The following ZMIZ2 variants were observed in gnomAD, a reference collection of about 807,000 sequenced individuals.
The protein encoded by ZMIZ2 is zinc finger MIZ domain-containing protein 2.
In ZMIZ2, 26 loss-of-function variants were observed where a neutral mutation model predicts 93.9. The observed-to-expected ratio is 0.28, with a 90% CI of 0.20 to 0.38. The LOEUF is 0.38. Among genes scored for constraint, ZMIZ2 ranks in the 10% least tolerant of loss-of-function variants. The pLI is 1.00. For synonymous variants in ZMIZ2, 485 were observed against 516.4 expected, an observed-to-expected ratio of 0.94 and a Z score of 0.82; for missense variants, 1,023 against 1,235.0, an observed-to-expected ratio of 0.83 and a Z score of 2.57.
At chr7:44,758,831 T>G (rs1263695176) in intron 6 of ZMIZ2, among the ~76,000 whole-genome samples, 12 of 151,142 alleles carry the variant, frequency 7.9e-5, no homozygotes, top group Non-Finnish European at 1.3e-4. Context: ...GGAGAATTGC[T>G]TGAACCCAGC....
chr7:44,753,639 TAGC>T (rs766224747), intron 1 of ZMIZ2, among the ~76,000 whole-genome samples: 8 of 152,344 alleles, frequency 5.3e-5, no homozygotes, highest in Non-Finnish European at 1.2e-4. Context: ...TTCATCCTCT[TAGC>T]AGGGCCTTTC....
chr7:44,765,883 C>A lies in ZMIZ2; in HGVS notation c.2243-281C>A, dbSNP rs1791661154. Reference sequence around the variant, plus strand: ...CACAGGACTGGCCCCATCTGGGGCCCCCCTCTGGGACCCACCTCACACGCG... The same window carrying A: ...CACAGGACTGGCCCCATCTGGGGCCACCCTCTGGGACCCACCTCACACGCG... On this transcript the variant is annotated intron_variant, in intron 16 of 18. Transcript: ENST00000309315. This position sits in a 1 kb window ranked among gnomAD's most constrained non-coding sequence, Gnocchi z 4.1. The A allele has an allele frequency of 7.3e-7, 1 of 1,365,076 alleles. No homozygotes were observed. Among genetic ancestry groups the A allele is most frequent in the South Asian group, 1.7e-5 (1 of 57,574 alleles). The allele number at this position is 1,365,076 out of a possible 1,614,324, so 84.6% of individuals were successfully genotyped here. A position where few individuals can be genotyped will look rare whatever the true frequency, so the allele number is the denominator to read the frequency against.
At chr7:44,757,348 G>A (rs1193849382) in intron 4 of ZMIZ2, 30 bp from the exon 5 acceptor site, 3 of 1,588,902 alleles carry the variant, frequency 1.9e-6, no homozygotes, top group Non-Finnish European at 1.7e-6. Flanking sequence ...AGCCCACGCA[G>A]AGAGCGTGGC....
At chr7:44,751,354 C>A (rs896537558) in intron 1 of ZMIZ2, among the ~76,000 whole-genome samples, 35 of 152,264 alleles carry the variant, frequency 2.3e-4, no homozygotes, top group African/African-American at 8.0e-4. Context: ...CTACTGACTT[C>A]AGGTGGGGCT....
At chr7:44,751,983 A>G (rs1226746499) in intron 1 of ZMIZ2, among the ~76,000 whole-genome samples, 2 of 152,142 alleles carry the variant, frequency 1.3e-5, no homozygotes, top group African/African-American at 4.8e-5. Context: ...AAAAAAATTA[A>G]AGATTCATGT....
rs768307925 is a variant in ZMIZ2 at position 44,765,529 on chromosome 7, C to A, written c.2192C>A (p.Ala731Asp). The change falls in exon 16 of 19, where the codon GCC (alanine) becomes GAC (aspartate). Residue 731 changes from alanine (A) to aspartate (D), a missense_variant. Around this residue, in one of 3 missense-constraint regions of ZMIZ2, gnomAD observed 319 missense variants for 358.8 expected, o/e 0.89. Coordinates refer to ENST00000309315, the MANE Select transcript of ZMIZ2 (RefSeq NM_031449.4). The surrounding 1 kb of genome is among the most constrained non-coding windows in gnomAD (Gnocchi z 4.1). ...CTGGGCCCCGGCGCTGCCCCCTTTG[C>A]CCCCCTGCAGCCCCCCTCAGTCCCT... ...AALGPGAAPF[A>D]PLQPPSVPAP... 42 of 659,388 alleles carry A rather than the reference C, an allele frequency of 6.4e-5. No homozygotes were observed. Among genetic ancestry groups the A allele is most frequent in the Non-Finnish European group, 1.0e-4 (41 of 402,092 alleles). The allele number at this position is 659,388 out of a possible 1,614,324, so 40.8% of individuals were successfully genotyped here.
rs2116849463 is a variant in ZMIZ2, at chr7:44,763,064, G to A, written c.1702+78G>A. On this transcript the variant is annotated intron_variant, in intron 12 of 18. Transcript: ENST00000309315. The surrounding 1 kb of genome is among the most constrained non-coding windows in gnomAD (Gnocchi z 5.6). ...CCCAAGCCCAACAATCCTCCTTGTG[G>A]GCACCTCCTCGTGTCACACCAGGCC... The A allele has an allele frequency of 6.7e-7, 1 of 1,494,402 alleles. No homozygotes were observed. Among genetic ancestry groups the A allele is most frequent in the South Asian group, 1.2e-5 (1 of 83,100 alleles). The allele number at this position is 1,494,402 out of a possible 1,614,324, so 92.6% of individuals were successfully genotyped here.
intron 1 of ZMIZ2, 129 bp from the exon 2 acceptor site, chr7:44,756,059 C>T (rs73109467): frequency 2.6e-4 from 186 of 714,582 alleles, no homozygotes; most frequent in Admixed American, 9.8e-4. Context: ...ACTGCCTTGC[C>T]TGCCATCAGA....
chr7:44,760,662 C>CT, intron 9 of ZMIZ2, 69 bp downstream of exon 9: 3 of 1,576,152 alleles, frequency 1.9e-6, no homozygotes, highest in Non-Finnish European at 2.6e-6. Flanking sequence ...TCACAGGACT[C>CT]CAGAGAGTCC....
At position 44,768,971 on chromosome 7, in the gene ZMIZ2, A is replaced by G. The variant is rs1791957065; in HGVS notation, c.*1348A>G. On this transcript the variant is annotated 3_prime_UTR_variant, in exon 19 of 19. Coordinates refer to ENST00000309315, the MANE Select transcript of ZMIZ2 (RefSeq NM_031449.4). Reference sequence around the variant, plus strand: ...AGCATCCCAGGCTTGCCCAGGAGAGACATTTGCCACTATGTCACCTTATCT... The same window carrying G: ...AGCATCCCAGGCTTGCCCAGGAGAGGCATTTGCCACTATGTCACCTTATCT... 1 of 152,612 alleles carries G rather than the reference A, an allele frequency of 6.6e-6. No homozygotes were observed. Among genetic ancestry groups the G allele is most frequent in the South Asian group, 2.1e-4 (1 of 4,832 alleles). The allele number at this position is 152,612 out of a possible 1,614,324, so 9.5% of individuals were successfully genotyped here.
intron 6 of ZMIZ2, among the ~76,000 whole-genome samples, 196 bp from the exon 7 acceptor site, chr7:44,759,085 A>T (rs1227063814): frequency 3.1e-4 from 8 of 25,648 alleles, no homozygotes; most frequent in Admixed American, 2.6e-3. Context: ...GTCTCAAATT[A>T]AAAAAAAAAA....
Position 44,755,037 on chromosome 7 carries a change from G to A in ZMIZ2, c.-62-1151G>A, listed in dbSNP as rs191660300. On this transcript the variant is annotated intron_variant, in intron 1 of 18. Coordinates refer to ENST00000309315, the MANE Select transcript of ZMIZ2 (RefSeq NM_031449.4). Reference sequence around the variant, plus strand: ...TAAGGGGCTTGCTTGTGGCAGTGTCGGAAGGCGTGGCACTCAGAAGCAGCC... The same window carrying A: ...TAAGGGGCTTGCTTGTGGCAGTGTCAGAAGGCGTGGCACTCAGAAGCAGCC... Among the ~76,000 whole-genome samples the A allele has an allele frequency of 3.0e-4, 45 of 152,278 alleles. 1 individual carries two copies. Among genetic ancestry groups the A allele is most frequent in the African/African-American group, 7.9e-4 (33 of 41,550 alleles).
In ZMIZ2 at chr7:44,765,420, C is replaced by T. The variant is rs1336145204; in HGVS notation, c.2083C>T (p.Pro695Ser). 5.6e-6 allele frequency: 9 copies of T among 1,611,464 alleles called. No homozygotes were observed. The South Asian group carries it at 7.7e-5, about 14-fold the overall frequency. ...VKPDMHIKEE[P>S]DGPALKRCRT... is the part of the protein sequence containing the mutation. ...GCCTGACATGCACATCAAGGAGGAG[C>T]CGGATGGGCCAGCACTGAAGCGCTG... The change falls in exon 16 of 19, where the codon CCG (proline) becomes TCG (serine). Residue 695 changes from proline (P) to serine (S), a missense_variant. By Grantham distance (74) the Pro-to-Ser change is moderately conservative. This residue lies in a region of ZMIZ2 where 319 missense variants were observed against 358.8 expected (regional missense o/e 0.89). Transcript: ENST00000309315. This position sits in a 1 kb window ranked among gnomAD's most constrained non-coding sequence, Gnocchi z 4.1.
At position 44,758,078 on chromosome 7, in the gene ZMIZ2, C is replaced by G; in HGVS notation, c.783C>G (p.Pro261=). ...YPGPPQAQPL[P]RQGVKRTYSE... ...GGCCTCCCCAGGCCCAGCCACTGCC[C>G]CGACAGGGGGTCAAGAGAACCTACT... The change falls in exon 6 of 19, where the codon CCC becomes CCG. Residue 261 remains proline (P), a synonymous_variant. Transcript: ENST00000309315. 6.3e-7 allele frequency: 1 copy of G among 1,585,872 alleles called. No homozygotes were observed. Among genetic ancestry groups the G allele is most frequent in the Non-Finnish European group, 8.6e-7 (1 of 1,168,016 alleles).
At chr7:44,760,636 G>T (rs773340061) in intron 9 of ZMIZ2, 43 bp downstream of exon 9, 3 of 1,608,788 alleles carry the variant, frequency 1.9e-6, no homozygotes, top group East Asian at 2.2e-5. Flanking sequence ...ACAAGGCCAG[G>T]GTGGGCATGG....
In ZMIZ2 at chr7:44,765,805, G is replaced by A. The variant is rs1791653515; in HGVS notation, c.2242+226G>A. The A allele has an allele frequency of 7.0e-6, 7 of 993,200 alleles. No individual in the cohort carries two copies. The highest frequency in any genetic ancestry group is 8.6e-6 in the Non-Finnish European group (6 of 700,432). 61.5% of individuals were successfully genotyped at this position (993,200 alleles called of 1,614,324 possible). A position where few individuals can be genotyped will look rare whatever the true frequency, so the allele number is the denominator to read the frequency against. On this transcript the variant is annotated intron_variant, in intron 16 of 18. Transcript: ENST00000309315. This position sits in a 1 kb window ranked among gnomAD's most constrained non-coding sequence, Gnocchi z 4.1. Reference sequence around the variant, plus strand: ...ATGGTCCCAGGAAACAGACAGTGGGGCCTCCACCCTTCCTTCCCCGTTTGG... The same window carrying A: ...ATGGTCCCAGGAAACAGACAGTGGGACCTCCACCCTTCCTTCCCCGTTTGG...
At chr7:44,762,804 C>A (rs1791338205) in intron 11 of ZMIZ2, 77 bp from the exon 12 acceptor site, 4 of 1,290,108 alleles carry the variant, frequency 3.1e-6, no homozygotes, top group East Asian at 4.9e-5. Flanking sequence ...GACACACAAC[C>A]CCCAGCACAC....
chr7:44,761,063 G>A lies in ZMIZ2; in HGVS notation c.1241-386G>A, dbSNP rs117037236. Among the ~76,000 whole-genome samples the A allele has an allele frequency of 0.04, 6,021 of 152,250 alleles. 163 individuals carry two copies. Among genetic ancestry groups the A allele is most frequent in the Admixed American group, 0.075 (1,152 of 15,294 alleles). ...GACCACAGCAGCAGAAGTTGGGATC[G>A]TAGAACTCTAAACAGAGCTATAGGG... On this transcript the variant is annotated intron_variant, in intron 9 of 18. Transcript: ENST00000309315. This position sits in a 1 kb window ranked among gnomAD's most constrained non-coding sequence, Gnocchi z 5.8.
rs770835169 is a variant in ZMIZ2, at chr7:44,763,223, C to T, written c.1703-33C>T. On this transcript the variant is annotated intron_variant, in intron 12 of 18. Transcript: ENST00000309315. This position sits in a 1 kb window ranked among gnomAD's most constrained non-coding sequence, Gnocchi z 5.6. ...TTCACACCTCCCCATCTTGGGGACC[C>T]TTTACTCAAGTCCTTTACCTTGTTG... The T allele has an allele frequency of 1.2e-6, 2 of 1,606,662 alleles. No homozygotes were observed. Among genetic ancestry groups the T allele is most frequent in the Non-Finnish European group, 8.5e-7 (1 of 1,174,550 alleles).
Sources: allele counts gnomAD v4.1 joint callset (sites outside exome capture counted in the v4.1 genomes callset), GRCh38; gene constraint gnomAD v4.1.1; regional missense constraint gnomAD v4.1.1; non-coding constraint Gnocchi (gnomAD v3.1); transcripts MANE v1.5; gene names NCBI Gene and HGNC (gene_info 2026-07-23, HGNC 2026-07-21).